The following NXPH1 variants were observed in gnomAD, a reference collection of about 807,000 sequenced individuals.
NXPH1 encodes the protein neurexophilin-1.
A neutral mutation model predicts 23.7 loss-of-function variants in NXPH1; 5 were observed. The observed-to-expected ratio is 0.21, with a 90% confidence interval of 0.11 to 0.44. The LOEUF (loss-of-function observed/expected upper bound fraction) is 0.44. Among genes scored for constraint, NXPH1 ranks in the 20% least tolerant of loss-of-function variants. The pLI is 0.99. For missense variants in NXPH1, 324 were observed against 321.6 expected, an observed-to-expected ratio of 1.01 and a Z score of -0.06; for synonymous variants, 144 against 122.2, an observed-to-expected ratio of 1.18 and a Z score of -1.18.
At chr7:8,535,859 G>C (rs531048314) in intron 2 of NXPH1, among the ~76,000 whole-genome samples, 30 of 151,976 alleles carry the variant, frequency 2.0e-4, no homozygotes, top group Non-Finnish European at 3.8e-4. Flanking sequence ...CGTGGTGGCA[G>C]AACCATGCCA....
chr7:8,710,878 G>A (rs889554422), intron 2 of NXPH1, among the ~76,000 whole-genome samples: 2 of 115,370 alleles, frequency 1.7e-5, no homozygotes, highest in Non-Finnish European at 3.3e-5. Flanking sequence ...TAGCCAGGAT[G>A]GTCTCGATCT....
intron 2 of NXPH1, among the ~76,000 whole-genome samples, chr7:8,729,186 TC>T (rs924570755): frequency 6.6e-6 from 1 of 151,244 alleles, no homozygotes; most frequent in Non-Finnish European, 1.5e-5. Context: ...GGTGGTGATA[TC>T]CCCTTTATCA....
chr7:8,614,478 T>C (rs561643700), intron 2 of NXPH1, among the ~76,000 whole-genome samples: 5 of 151,948 alleles, frequency 3.3e-5, no homozygotes, highest in Non-Finnish European at 5.9e-5. Context: ...CTATAGATTT[T>C]ATGCATATGT....
chr7:8,690,456 G>A (rs1392500421), intron 2 of NXPH1: 1 of 152,136 alleles, frequency 6.6e-6, no homozygotes, highest in Non-Finnish European at 1.5e-5. Flanking sequence ...AGTATTTTTA[G>A]TTTGTGTTAA....
chr7:8,667,461 GT>G (rs71017614), intron 2 of NXPH1, among the ~76,000 whole-genome samples: 95,137 of 145,502 alleles, frequency 0.65, 31,439 homozygotes, highest in Middle Eastern at 0.8. Context: ...TTGGTTGACA[GT>G]TTTTTTTTTT....
At chr7:8,586,119 C>T (rs1214952476) in intron 2 of NXPH1, among the ~76,000 whole-genome samples, 1 of 152,120 alleles carries the variant, frequency 6.6e-6, no homozygotes, top group East Asian at 1.9e-4. Flanking sequence ...CACACCGTAT[C>T]TATCTTAGTT....
chr7:8,614,072 T>C (rs949508997), intron 2 of NXPH1, among the ~76,000 whole-genome samples: 1 of 151,916 alleles, frequency 6.6e-6, no homozygotes, highest in Non-Finnish European at 1.5e-5. Flanking sequence ...AATAGTATAG[T>C]GTTAAACACA....
At chr7:8,729,934 G>A (rs1321856277) in intron 2 of NXPH1, among the ~76,000 whole-genome samples, 2 of 144,584 alleles carry the variant, frequency 1.4e-5, no homozygotes, top group Non-Finnish European at 3.1e-5. Flanking sequence ...AATGTTGACA[G>A]TGGGGTGTTA....
At chr7:8,654,020 G>A (rs114864526) in intron 2 of NXPH1, among the ~76,000 whole-genome samples, 2 of 152,230 alleles carry the variant, frequency 1.3e-5, no homozygotes, top group South Asian at 2.1e-4. Flanking sequence ...TTTCATTGTA[G>A]TTTTGCCTTT....
At chr7:8,627,748 C>A (rs1397220401) in intron 2 of NXPH1, among the ~76,000 whole-genome samples, 8 of 151,972 alleles carry the variant, frequency 5.3e-5, no homozygotes, top group Admixed American at 2.0e-4. Context: ...AAAAAAATAA[C>A]CATTTTAAAA....
chr7:8,663,122 C>T (rs1820705835), intron 2 of NXPH1, among the ~76,000 whole-genome samples: 1 of 151,996 alleles, frequency 6.6e-6, no homozygotes, highest in Admixed American at 6.6e-5. Context: ...CCACAGAAAG[C>T]TCTGGGCTTA....
chr7:8,488,499 G>T (rs952500918), intron 2 of NXPH1, among the ~76,000 whole-genome samples: 4 of 152,056 alleles, frequency 2.6e-5, no homozygotes, highest in African/African-American at 9.7e-5. Flanking sequence ...TGAAACCCAG[G>T]CCTCATCTCC....
intron 2 of NXPH1, among the ~76,000 whole-genome samples, chr7:8,687,030 T>C (rs1165000351): frequency 6.6e-6 from 1 of 152,094 alleles, no homozygotes; most frequent in Non-Finnish European, 1.5e-5. Context: ...TCATATAATG[T>C]AGTTTGGCAA....
chr7:8,483,594 C>T (rs1817110090), intron 2 of NXPH1, among the ~76,000 whole-genome samples: 1 of 152,086 alleles, frequency 6.6e-6, no homozygotes, highest in Admixed American at 6.5e-5. Flanking sequence ...CAGGCGTGCA[C>T]CACCACACCT....
chr7:8,482,307 G>A (rs80114087), intron 2 of NXPH1, among the ~76,000 whole-genome samples: 1 of 152,226 alleles, frequency 6.6e-6, no homozygotes, highest in Admixed American at 6.5e-5. Context: ...AATGAAATGA[G>A]GGTGGCTTCA....
chr7:8,569,287 C>T (rs1050398140), intron 2 of NXPH1, among the ~76,000 whole-genome samples: 2 of 151,742 alleles, frequency 1.3e-5, no homozygotes, highest in African/African-American at 2.4e-5. Context: ...AGCCATTGTA[C>T]TTTAAAAGAA....
intron 2 of NXPH1, among the ~76,000 whole-genome samples, chr7:8,694,830 G>GA (rs539861816): frequency 1.1e-4 from 17 of 152,128 alleles, no homozygotes; most frequent in African/African-American, 3.9e-4. Flanking sequence ...TTAGATACAT[G>GA]AAAAAAAGTT....
chr7:8,540,418 C>T (rs1818096131), intron 2 of NXPH1, among the ~76,000 whole-genome samples: 1 of 151,752 alleles, frequency 6.6e-6, no homozygotes, highest in South Asian at 2.1e-4. Flanking sequence ...GATAGTGAAT[C>T]CCTGAGAGTA....
chr7:8,571,752 G>A (rs541303650), intron 2 of NXPH1, among the ~76,000 whole-genome samples: 5 of 151,872 alleles, frequency 3.3e-5, no homozygotes, highest in Admixed American at 6.6e-5. Flanking sequence ...AAATAAAACC[G>A]TAAGACACAA....
Sources: gnomAD v4.1 joint callset for allele counts (sites outside exome capture counted in the v4.1 genomes callset) on GRCh38, gnomAD v4.1.1 for gene constraint, MANE v1.5 for transcripts, NCBI Gene and HGNC (gene_info 2026-07-23, HGNC 2026-07-21) for gene names.